The following ARHGAP15 variants were observed in gnomAD, a reference collection of about 807,000 sequenced individuals.
The protein encoded by ARHGAP15 is rho GTPase-activating protein 15.
A neutral mutation model predicts 63.7 loss-of-function variants in ARHGAP15; 51 were observed. That is an observed-to-expected ratio of 0.80 (90% CI 0.64 to 1.01). The LOEUF (loss-of-function observed/expected upper bound fraction) is 1.01. ARHGAP15 is among the 50% of genes least tolerant of loss of function. The pLI is 0.00. For missense variants in ARHGAP15, 560 were observed against 564.6 expected, an observed-to-expected ratio of 0.99 and a Z score of 0.08; for synonymous variants, 191 against 193.8, an observed-to-expected ratio of 0.99 and a Z score of 0.12.
At chr2:143,581,586 C>T (rs997933277) in intron 11 of ARHGAP15, among the ~76,000 whole-genome samples, 2 of 152,098 alleles carry the variant, frequency 1.3e-5, no homozygotes, top group African/African-American at 2.4e-5. Context: ...CTTCTCACTT[C>T]GAGAGCTTGA....
At chr2:143,175,701 T>TAAAA (rs1271281774) in intron 2 of ARHGAP15, among the ~76,000 whole-genome samples, 1 of 152,168 alleles carries the variant, frequency 6.6e-6, no homozygotes, top group African/African-American at 2.4e-5. Flanking sequence ...ATAACTCTTT[T>TAAAA]AAAGTTGCTT....
rs553636583 is a variant in ARHGAP15, at chr2:143,252,846, C to T, written c.474+2246C>T. Reference sequence around the variant, plus strand: ...TTGCCAGAGAGCTAAATCTAGATGACTTGCATCAATATTTGATTAGATACA... The same window carrying T: ...TTGCCAGAGAGCTAAATCTAGATGATTTGCATCAATATTTGATTAGATACA... On this transcript the variant is annotated intron_variant, in intron 6 of 13. Coordinates refer to ENST00000295095, the MANE Select transcript of ARHGAP15 (RefSeq NM_018460.4). Among the ~76,000 whole-genome samples the T allele has an allele frequency of 1.8e-4, 28 of 152,130 alleles. No individual in the cohort carries two copies. The Middle Eastern group carries it at 0.014, about 74-fold the overall frequency.
intron 6 of ARHGAP15, among the ~76,000 whole-genome samples, chr2:143,379,489 G>GTGTA (rs1686965709): frequency 2.1e-5 from 1 of 48,362 alleles, no homozygotes; most frequent in South Asian, 4.6e-4. Flanking sequence ...GCATATATAT[G>GTGTA]TGTGTGTGTG....
intron 13 of ARHGAP15, among the ~76,000 whole-genome samples, chr2:143,718,652 A>G (rs1488494050): frequency 6.6e-6 from 1 of 152,108 alleles, no homozygotes; most frequent in African/African-American, 2.4e-5. Flanking sequence ...GTTTCCTCAT[A>G]CATTTTTCCA....
chr2:143,271,504 C>T (rs1257810458), intron 6 of ARHGAP15, among the ~76,000 whole-genome samples: 11 of 152,240 alleles, frequency 7.2e-5, no homozygotes, highest in Non-Finnish European at 1.5e-4. Flanking sequence ...GAGACGGAGT[C>T]TCGCTCTGTC....
chr2:143,190,209 T>C (rs776302943), intron 2 of ARHGAP15, among the ~76,000 whole-genome samples: 11 of 152,232 alleles, frequency 7.2e-5, no homozygotes, highest in Admixed American at 2.0e-4. Context: ...AACTCATATC[T>C]GCCTATTCAC....
At chr2:143,623,688 T>C (rs1001626200) in intron 11 of ARHGAP15, among the ~76,000 whole-genome samples, 4 of 152,238 alleles carry the variant, frequency 2.6e-5, no homozygotes, top group Non-Finnish European at 5.9e-5. Context: ...TGTAAAGCAA[T>C]AACTCATTTT....
chr2:143,278,211 G>A lies in ARHGAP15; in HGVS notation c.474+27611G>A, dbSNP rs78148795. Among the ~76,000 whole-genome samples, 213 of 152,252 alleles carry A rather than the reference G, an allele frequency of 1.4e-3. 1 individual carries two copies. Among genetic ancestry groups the A allele is most frequent in the Non-Finnish European group, 2.7e-3 (185 of 68,016 alleles). Reference sequence around the variant, plus strand: ...CACCTTCTCTCACTCACGGCTGCATGTTGCCTATTGCCGGTCCAGAATGTT... The same window carrying A: ...CACCTTCTCTCACTCACGGCTGCATATTGCCTATTGCCGGTCCAGAATGTT... On this transcript the variant is annotated intron_variant, in intron 6 of 13. Coordinates refer to ENST00000295095, the MANE Select transcript of ARHGAP15 (RefSeq NM_018460.4).
At chr2:143,286,420 T>C (rs1178619974) in intron 6 of ARHGAP15, among the ~76,000 whole-genome samples, 2 of 152,214 alleles carry the variant, frequency 1.3e-5, no homozygotes, top group Non-Finnish European at 2.9e-5. Flanking sequence ...GGAACAATTC[T>C]AAGTTTTTTA....
intron 8 of ARHGAP15, among the ~76,000 whole-genome samples, chr2:143,437,650 T>G (rs753260101): frequency 1.3e-5 from 2 of 152,202 alleles, no homozygotes; most frequent in South Asian, 2.1e-4. Flanking sequence ...CCAGACTGCT[T>G]CTTCCTCAAT....
intron 12 of ARHGAP15, among the ~76,000 whole-genome samples, chr2:143,679,122 C>T (rs1364720528): frequency 8.4e-6 from 1 of 119,110 alleles, no homozygotes; most frequent in South Asian, 3.5e-4. Flanking sequence ...AACCTATATG[C>T]ACCAGTATCC....
intron 2 of ARHGAP15, among the ~76,000 whole-genome samples, chr2:143,184,953 G>C (rs1331639336): frequency 6.6e-6 from 1 of 151,886 alleles, no homozygotes; most frequent in African/African-American, 2.4e-5. Context: ...AAAGTGTTGG[G>C]AATACAGGCT....
intron 10 of ARHGAP15, among the ~76,000 whole-genome samples, chr2:143,551,404 C>T (rs6717273): frequency 0.31 from 47,696 of 152,058 alleles, 8,015 homozygotes; most frequent in East Asian, 0.42. Flanking sequence ...ATTCTCCTGC[C>T]TTGGCCTCCC....
chr2:143,401,988 C>A (rs1300336402), intron 6 of ARHGAP15, among the ~76,000 whole-genome samples: 1 of 151,760 alleles, frequency 6.6e-6, no homozygotes, highest in East Asian at 1.9e-4. Flanking sequence ...ATAGGTCTGA[C>A]GTTGTATCCC....
In ARHGAP15 at chr2:143,723,837, A is replaced by AAAT. The variant is rs1363039136; in HGVS notation, c.1244+20314_1244+20316dup. On this transcript the variant is annotated intron_variant, in intron 13 of 13. Transcript: ENST00000295095. ...AAGAGTAGACACAGAGAAAAACTGT[A>AAAT]AATTATCCAGTTGCCAATTTAATTA... 2.0e-5 allele frequency among the ~76,000 whole-genome samples: 3 copies of AAAT among 152,330 alleles called. No homozygotes were observed. The East Asian group carries it at 5.8e-4, about 29-fold the overall frequency.
chr2:143,386,817 T>C (rs958114850), intron 6 of ARHGAP15, among the ~76,000 whole-genome samples: 1 of 150,350 alleles, frequency 6.7e-6, no homozygotes, highest in Non-Finnish European at 1.5e-5. Flanking sequence ...TTGGTTTCTT[T>C]TGTTGTTGTT....
At chr2:143,764,968 C>T (rs1474915395) in intron 13 of ARHGAP15, among the ~76,000 whole-genome samples, 2 of 152,136 alleles carry the variant, frequency 1.3e-5, no homozygotes, top group Non-Finnish European at 2.9e-5. Flanking sequence ...GGCCCATGAC[C>T]TCTGAGCCCT....
intron 12 of ARHGAP15, among the ~76,000 whole-genome samples, chr2:143,633,480 C>T (rs1680153546): frequency 6.6e-6 from 1 of 152,236 alleles, no homozygotes; most frequent in South Asian, 2.1e-4. Context: ...GGTAAGACAT[C>T]AGCTCCATTA....
At chr2:143,420,730 G>A (rs1688882937) in intron 6 of ARHGAP15, among the ~76,000 whole-genome samples, 1 of 152,102 alleles carries the variant, frequency 6.6e-6, no homozygotes, top group Non-Finnish European at 1.5e-5. Flanking sequence ...TGTCATGGGA[G>A]CATAAAGGCA....
Sources: allele counts gnomAD v4.1 joint callset (sites outside exome capture counted in the v4.1 genomes callset), GRCh38; gene constraint gnomAD v4.1.1; transcripts MANE v1.5; gene names NCBI Gene and HGNC (gene_info 2026-07-23, HGNC 2026-07-21).